The following ZNF184 variants were observed in gnomAD, a reference collection of about 807,000 sequenced individuals.
The protein encoded by ZNF184 is zinc finger protein 184 (Kruppel-like).
ZNF184 carries 16 observed loss-of-function variants against 54.4 expected under a neutral mutation model. The observed-to-expected ratio is 0.29, with a 90% CI of 0.20 to 0.45. ZNF184 has a LOEUF of 0.45. ZNF184 is among the 20% of genes least tolerant of loss of function. The probability of loss-of-function intolerance (pLI) is 1.00; values close to 1 mark genes in which losing one functional copy is unlikely to be tolerated. For synonymous variants in ZNF184, 254 were observed against 295.3 expected, an observed-to-expected ratio of 0.86 and a Z score of 1.43; for missense variants, 681 against 888.2, an observed-to-expected ratio of 0.77 and a Z score of 2.97.
chr6:27,472,180 C>G lies in ZNF184; in HGVS notation c.7+108G>C. The G allele has an allele frequency of 6.8e-7, 1 of 1,464,390 alleles. No homozygotes were observed. The highest frequency in any genetic ancestry group is 1.2e-5 in the South Asian group (1 of 81,496). The allele number at this position is 1,464,390 out of a possible 1,614,324, so 90.7% of individuals were successfully genotyped here. On this transcript the variant is annotated intron_variant, in intron 2 of 5. Coordinates refer to ENST00000683788, the MANE Select transcript of ZNF184 (RefSeq NM_001318891.2). The surrounding 1 kb of genome is among the most constrained non-coding windows in gnomAD (Gnocchi z 4.8). Reference sequence around the variant, plus strand: ...TTTCTTTGCTAATCCCTAAGCATACCGTTCCTTCCTTCCAAATCTCCTGCT... The same window carrying G: ...TTTCTTTGCTAATCCCTAAGCATACGGTTCCTTCCTTCCAAATCTCCTGCT...
At chr6:27,425,946 CTG>C in the ZNF184 span, among the ~76,000 whole-genome samples, 8 of 152,230 alleles carry the variant, frequency 5.3e-5, no homozygotes, top group Non-Finnish European at 1.2e-4. Flanking sequence ...AGTCCAAAGA[CTG>C]TGGTGGTATC....
intron 2 of ZNF184, among the ~76,000 whole-genome samples, chr6:27,468,185 AT>A (rs1363425669): frequency 4.6e-5 from 7 of 152,194 alleles, no homozygotes; most frequent in Admixed American, 1.3e-4. Flanking sequence ...TATGTTCCTC[AT>A]TAAATGAGGC....
the ZNF184 span, among the ~76,000 whole-genome samples, chr6:27,424,113 T>A: frequency 6.6e-6 from 1 of 152,182 alleles, no homozygotes; most frequent in Non-Finnish European, 1.5e-5. Flanking sequence ...GTTTCTTCCT[T>A]CTGGTGGGTT....
At chr6:27,470,855 A>G (rs755087475) in intron 2 of ZNF184, among the ~76,000 whole-genome samples, 1 of 152,148 alleles carries the variant, frequency 6.6e-6, no homozygotes, top group Non-Finnish European at 1.5e-5. Flanking sequence ...AAGAAAATAC[A>G]AAGGCTTTTA....
chr6:27,435,446 C>A, the ZNF184 span, among the ~76,000 whole-genome samples: 90,873 of 151,868 alleles, frequency 0.6, 27,456 homozygotes, highest in Middle Eastern at 0.75. Flanking sequence ...TGGATTGTTC[C>A]TTGTTAGTGT....
At chr6:27,461,799 G>A (rs888701277) in intron 3 of ZNF184, among the ~76,000 whole-genome samples, 5 of 152,082 alleles carry the variant, frequency 3.3e-5, no homozygotes, top group Non-Finnish European at 7.4e-5. Flanking sequence ...GAGAGTTTGG[G>A]AAAATCAAGG....
chr6:27,469,025 G>C (rs1763208951), intron 2 of ZNF184, among the ~76,000 whole-genome samples: 1 of 152,088 alleles, frequency 6.6e-6, no homozygotes, highest in Non-Finnish European at 1.5e-5. Flanking sequence ...ACAAAAAAAA[G>C]CTTTGCTCTT....
the ZNF184 span, chr6:27,405,673 TG>T: frequency 6.6e-6 from 1 of 152,354 alleles, no homozygotes; most frequent in Non-Finnish European, 1.5e-5. Context: ...TGTCCCAGTC[TG>T]GGGGGGTCAT....
chr6:27,442,812 G>GAAAGAAAA, the ZNF184 span, among the ~76,000 whole-genome samples: 178 of 52,668 alleles, frequency 3.4e-3, 26 homozygotes, highest in Admixed American at 0.011. Context: ...GAGAAAGAAA[G>GAAAGAAAA]AGAAAGAAAG....
chr6:27,450,031 T>C (rs1268752052), downstream of ZNF184, among the ~76,000 whole-genome samples: 10 of 152,150 alleles, frequency 6.6e-5, no homozygotes, highest in Non-Finnish European at 1.5e-5. Flanking sequence ...TCCACCTGCT[T>C]TGGGAAACAG....
At chr6:27,450,400 T>A (rs1299356954), downstream of ZNF184, among the ~76,000 whole-genome samples, 1 of 124,370 alleles carries the variant, frequency 8.0e-6, no homozygotes, top group Non-Finnish European at 1.8e-5. Context: ...GGTAGAGCCC[T>A]CACCAATGGG....
the ZNF184 span, among the ~76,000 whole-genome samples, chr6:27,430,778 A>C: frequency 3.4e-4 from 52 of 152,346 alleles, no homozygotes; most frequent in Admixed American, 7.2e-4. Context: ...ATAGGAAACA[A>C]ATATACTCTT....
chr6:27,463,055 AT>A (rs1279038082), intron 3 of ZNF184, among the ~76,000 whole-genome samples: 52 of 80,662 alleles, frequency 6.4e-4, no homozygotes, highest in African/African-American at 1.5e-3. Context: ...TATGAAAGAC[AT>A]TTAAAAAAAA....
Position 27,472,346 on chromosome 6 carries a change from C to A in ZNF184, c.-52G>T. The A allele has an allele frequency of 6.2e-7, 1 of 1,613,672 alleles. No individual in the cohort carries two copies. The highest frequency in any genetic ancestry group is 1.3e-5 in the African/African-American group (1 of 75,042). ...AACTTGAACACCAGGGTTCGCCAGGCAGCGTTCCTTCAGCTGGTATCTCGG... is the reference window on the plus strand; with the variant it reads ...AACTTGAACACCAGGGTTCGCCAGGAAGCGTTCCTTCAGCTGGTATCTCGG... On this transcript the variant is annotated 5_prime_UTR_variant, in exon 2 of 6. Coordinates refer to ENST00000683788, the MANE Select transcript of ZNF184 (RefSeq NM_001318891.2). This position sits in a 1 kb window ranked among gnomAD's most constrained non-coding sequence, Gnocchi z 4.8.
the ZNF184 span, among the ~76,000 whole-genome samples, chr6:27,442,874 GAAAGAAAAAGAAAAAAAGAAAGAAAA>G: frequency 1.2e-4 from 8 of 67,362 alleles, 1 homozygote; most frequent in Non-Finnish European, 2.3e-4. Context: ...AAGAAAGAAA[GAAAGAAAAAGAAAAAAAGAAAGAAAA>G]AAAAAAAGAA....
chr6:27,456,826 C>A lies in ZNF184; in HGVS notation c.298G>T (p.Asp100Tyr). ...TCATCTGCTGGCATCCATGACTTAC[C>A]TGCACAGGTACCTACTGGAATGCTT... ...EPSIPVGTCA[D>Y]WETRLENSVS... Residue 100 changes from aspartate to tyrosine, a missense_variant and splice_region_variant, in exon 5 of 6, where the codon GAC (aspartate) becomes TAC (tyrosine). Coordinates refer to ENST00000683788, the MANE Select transcript of ZNF184 (RefSeq NM_001318891.2). The A allele has an allele frequency of 6.2e-7, 1 of 1,613,744 alleles. No homozygotes were observed. Among genetic ancestry groups the A allele is most frequent in the Non-Finnish European group, 8.5e-7 (1 of 1,179,826 alleles).
At chr6:27,424,746 G>A in the ZNF184 span, among the ~76,000 whole-genome samples, 1 of 152,250 alleles carries the variant, frequency 6.6e-6, no homozygotes, top group Non-Finnish European at 1.5e-5. Context: ...ACCAGATTCA[G>A]GAGCCCAGCT....
Position 27,452,135 on chromosome 6 carries a change from T to A in ZNF184, c.1424A>T (p.Lys475Ile), listed in dbSNP as rs1421867584. 6.2e-7 allele frequency: 1 copy of A among 1,614,130 alleles called. No individual in the cohort carries two copies. The highest frequency in any genetic ancestry group is 8.5e-7 in the Non-Finnish European group (1 of 1,179,992). ...LKIHTGEKPY[K>I]CNECGKAFSY... is the part of the protein sequence containing the mutation. ...GAAGGCCTTTCCACATTCATTGCATTTGTAAGGTTTTTCTCCAGTATGAAT... is the reference window on the plus strand; with the variant it reads ...GAAGGCCTTTCCACATTCATTGCATATGTAAGGTTTTTCTCCAGTATGAAT... Residue 475 changes from lysine (K) to isoleucine (I), a missense_variant, in exon 6 of 6, where the codon AAA becomes ATA. Lys to Ile is a moderately radical substitution (Grantham distance 102). Coordinates refer to ENST00000683788, the MANE Select transcript of ZNF184 (RefSeq NM_001318891.2). This position sits in a 1 kb window ranked among gnomAD's most constrained non-coding sequence, Gnocchi z 5.5.
intron 3 of ZNF184, among the ~76,000 whole-genome samples, chr6:27,465,514 A>G (rs1054016522): frequency 2.7e-5 from 4 of 150,406 alleles, no homozygotes; most frequent in East Asian, 3.9e-4. Flanking sequence ...AAAAAAGCAA[A>G]ACCCAACTAC....
Sources: gnomAD v4.1 joint callset for allele counts (sites outside exome capture counted in the v4.1 genomes callset) on GRCh38, gnomAD v4.1.1 for gene constraint, Gnocchi (gnomAD v3.1) non-coding constraint, MANE v1.5 for transcripts, NCBI Gene and HGNC (gene_info 2026-07-23, HGNC 2026-07-21) for gene names.